CCN4: variants seen among roughly 807,000 people sequenced by gnomAD.
The protein encoded by CCN4 is cellular communication network factor 4, also known as CCN family member 4.
In CCN4, 30 loss-of-function variants were observed where a neutral mutation model predicts 36.7. That is an observed-to-expected ratio of 0.82 (90% CI 0.61 to 1.11). The LOEUF (loss-of-function observed/expected upper bound fraction) is 1.11, where lower values mean the gene tolerates loss of function less well. Among genes scored for constraint, CCN4 ranks in the 50% least tolerant of loss-of-function variants. CCN4 has a pLI of 0.00. For synonymous variants in CCN4, 191 were observed against 195.4 expected, an observed-to-expected ratio of 0.98 and a Z score of 0.19; for missense variants, 505 against 504.9, an observed-to-expected ratio of 1.00 and a Z score of 0.00.
At chr8:133,219,004 G>C (rs1233458591) in intron 2 of CCN4, among the ~76,000 whole-genome samples, 1 of 152,008 alleles carries the variant, frequency 6.6e-6, no homozygotes, top group African/African-American at 2.4e-5. Context: ...AATCTGTCTG[G>C]AAGCCGAGCT....
intron 1 of CCN4, among the ~76,000 whole-genome samples, chr8:133,200,730 T>C (rs1853559223): frequency 6.6e-6 from 1 of 152,198 alleles, no homozygotes; most frequent in African/African-American, 2.4e-5. Context: ...TGGGATTGTT[T>C]TGATGATCAG....
intron 1 of CCN4, among the ~76,000 whole-genome samples, chr8:133,210,510 G>C (rs1306983873): frequency 6.6e-6 from 1 of 151,830 alleles, no homozygotes; most frequent in South Asian, 2.1e-4. Context: ...GTGCCTCCTC[G>C]GTGAACCACC....
rs188586451 is a variant in CCN4, at chr8:133,200,896, G to A, written c.69+9683G>A. On this transcript the variant is annotated intron_variant, in intron 1 of 4. Coordinates refer to ENST00000250160, the MANE Select transcript of CCN4 (RefSeq NM_003882.4). ...GTGTCATGCCACGTTGCTTCTGCCTGCACACCCCTGCTCATGTCATCCCCA... is the reference window on the plus strand; with the variant it reads ...GTGTCATGCCACGTTGCTTCTGCCTACACACCCCTGCTCATGTCATCCCCA... 1.4e-4 allele frequency among the ~76,000 whole-genome samples: 22 copies of A among 152,262 alleles called. No homozygotes were observed. In the East Asian group the frequency reaches 3.5e-3, roughly 24 times the overall value.
In CCN4 at chr8:133,197,091, A is replaced by G. The variant is rs1021635540; in HGVS notation, c.69+5878A>G. 3.6e-4 allele frequency among the ~76,000 whole-genome samples: 54 copies of G among 151,458 alleles called. 1 individual carries two copies. Among genetic ancestry groups the G allele is most frequent in the African/African-American group, 3.9e-4 (16 of 41,250 alleles). ...GAAAGAAATGATGATGATGATGATGATGGTGGTGGTGGTGGTGGTGGTGGT... is the reference window on the plus strand; with the variant it reads ...GAAAGAAATGATGATGATGATGATGGTGGTGGTGGTGGTGGTGGTGGTGGT... On this transcript the variant is annotated intron_variant, in intron 1 of 4. Transcript: ENST00000250160.
Position 133,191,068 on chromosome 8 carries a change from T to G in CCN4, c.-77T>G. The G allele has an allele frequency of 6.5e-7, 1 of 1,540,404 alleles. No homozygotes were observed. Among genetic ancestry groups the G allele is most frequent in the Non-Finnish European group, 8.8e-7 (1 of 1,130,288 alleles). On this transcript the variant is annotated 5_prime_UTR_variant, in exon 1 of 5. Coordinates refer to ENST00000250160, the MANE Select transcript of CCN4 (RefSeq NM_003882.4). ...CTGGTGCTCCTGATGGGCCGGCCAG[T>G]CTGGGCCCAGCTCCCCCGAGAGGTG...
chr8:133,211,230 C>A (rs1028404163), intron 1 of CCN4, among the ~76,000 whole-genome samples: 2 of 152,154 alleles, frequency 1.3e-5, no homozygotes, highest in Middle Eastern at 3.2e-3. Context: ...CAGCACTTTG[C>A]GTAGTAAATC....
rs1321942290 is a variant in CCN4 at position 133,198,204 on chromosome 8, T to C, written c.69+6991T>C. ...TAACAAGCAGCAGGGGAGCTCACGC[T>C]GCTGCTTCTCTAGAAAGGGGTTGTC... On this transcript the variant is annotated intron_variant, in intron 1 of 4. Coordinates refer to ENST00000250160, the MANE Select transcript of CCN4 (RefSeq NM_003882.4). 4.6e-5 allele frequency among the ~76,000 whole-genome samples: 7 copies of C among 152,222 alleles called. 1 individual carries two copies. Among genetic ancestry groups the C allele is most frequent in the Non-Finnish European group, 7.3e-5 (5 of 68,030 alleles).
At chr8:133,198,537 C>T (rs1853470083) in intron 1 of CCN4, among the ~76,000 whole-genome samples, 1 of 152,160 alleles carries the variant, frequency 6.6e-6, no homozygotes, top group South Asian at 2.1e-4. Flanking sequence ...CTTCATGAGC[C>T]TTGCTGTCAA....
chr8:133,213,091 C>T lies in CCN4; in HGVS notation c.297C>T (p.Leu99=), dbSNP rs114585111. 6.2e-4 allele frequency: 997 copies of T among 1,614,040 alleles called. 5 individuals are homozygous for T. The African/African-American group carries it at 0.011, about 18-fold the overall frequency. ...CCATCTGTGACCCCCACCGGGGCCT[C>T]TACTGTGACTACAGCGGGGACCGCC... ...EAAICDPHRG[L]YCDYSGDRPR... is the part of the protein sequence containing the mutation. The change falls in exon 2 of 5, where the codon CTC becomes CTT. Residue 99 remains leucine, a synonymous_variant. Coordinates refer to ENST00000250160, the MANE Select transcript of CCN4 (RefSeq NM_003882.4).
chr8:133,215,984 TACACACACAC>T (rs35957025), intron 2 of CCN4, among the ~76,000 whole-genome samples: 1 of 149,360 alleles, frequency 6.7e-6, no homozygotes, highest in Non-Finnish European at 1.5e-5. Flanking sequence ...CCCATTACAC[TACACACACAC>T]ACACACACAC....
At chr8:133,227,137 G>A (rs1332534473) in intron 4 of CCN4, among the ~76,000 whole-genome samples, 1 of 152,100 alleles carries the variant, frequency 6.6e-6, no homozygotes, top group African/African-American at 2.4e-5. Context: ...CTGGCCATAG[G>A]CAAGACAAAA....
Position 133,224,935 on chromosome 8 carries a change from C to CA in CCN4, c.611-439dup, listed in dbSNP as rs55861580. Among the ~76,000 whole-genome samples, 506 of 130,144 alleles carry CA rather than the reference C, an allele frequency of 3.9e-3. 1 individual carries two copies. The highest frequency in any genetic ancestry group is 0.011 in the African/African-American group (373 of 35,254). The allele number at this position is 130,144 out of a possible 152,430, so 85.4% of individuals were successfully genotyped here. On this transcript the variant is annotated intron_variant, in intron 3 of 4. Transcript: ENST00000250160. Reference sequence around the variant, plus strand: ...AGGCAACAAGAGTGAAACTCTGTCTCAAAAAAAAAAAAAAAAGTCCCATTC... The same window carrying CA: ...AGGCAACAAGAGTGAAACTCTGTCTCAAAAAAAAAAAAAAAAAGTCCCATTC...
chr8:133,194,403 T>G (rs2130516276), intron 1 of CCN4, among the ~76,000 whole-genome samples: 1 of 81,472 alleles, frequency 1.2e-5, no homozygotes, highest in Admixed American at 1.6e-4. Context: ...TGTGGGGGTG[T>G]GTGTGGATTT....
chr8:133,204,956 G>A (rs1311725885), intron 1 of CCN4, among the ~76,000 whole-genome samples: 7 of 152,332 alleles, frequency 4.6e-5, no homozygotes, highest in Non-Finnish European at 8.8e-5. Context: ...CTCCTCCCAG[G>A]CCCCTTAGGT....
In CCN4 at chr8:133,213,121, G is replaced by A. The variant is rs969342915; in HGVS notation, c.327G>A (p.Arg109=). The change falls in exon 2 of 5, where the codon AGG becomes AGA. Residue 109 remains arginine, a synonymous_variant. Transcript: ENST00000250160. The stretch of plus-strand genomic sequence containing the variant: ...GTGACTACAGCGGGGACCGCCCGAG[G>A]TACGCAATAGGAGTGTGTGCACGTA... ...LYCDYSGDRP[R]YAIGVCAQVV... 4.3e-6 allele frequency: 7 copies of A among 1,610,120 alleles called. No homozygotes were observed. The highest frequency in any genetic ancestry group is 5.9e-6 in the Non-Finnish European group (7 of 1,178,484).
chr8:133,208,992 C>T (rs1016048304), intron 1 of CCN4, among the ~76,000 whole-genome samples: 12 of 152,336 alleles, frequency 7.9e-5, no homozygotes, highest in African/African-American at 2.9e-4. Flanking sequence ...CTGTTGGCCT[C>T]ACTAGGTGGG....
Position 133,227,587 on chromosome 8 carries a change from G to T in CCN4, c.981G>T (p.Gly327=). 1 of 1,614,194 alleles carries T rather than the reference G, an allele frequency of 6.2e-7. No individual in the cohort carries two copies. The highest frequency in any genetic ancestry group is 8.5e-7 in the Non-Finnish European group (1 of 1,180,046). ...TIDVSFQCPD[G]LGFSRQVLWI... Reference sequence around the variant, plus strand: ...ACGTGTCCTTCCAGTGTCCTGATGGGCTTGGCTTCTCCCGCCAGGTCCTAT... The same window carrying T: ...ACGTGTCCTTCCAGTGTCCTGATGGTCTTGGCTTCTCCCGCCAGGTCCTAT... The change falls in exon 5 of 5, where the codon GGG becomes GGT. Residue 327 remains glycine, a synonymous_variant. Transcript: ENST00000250160.
At chr8:133,226,998 C>A (rs115819465) in intron 4 of CCN4, among the ~76,000 whole-genome samples, 2 of 152,280 alleles carry the variant, frequency 1.3e-5, no homozygotes, top group African/African-American at 4.8e-5. Flanking sequence ...GCAGGAGGGG[C>A]GGTTAGGGCA....
At position 133,227,465 on chromosome 8, in the gene CCN4, C is replaced by A. The variant is rs760527768; in HGVS notation, c.859C>A (p.Leu287Ile). Reference protein sequence around the residue: ...YQPEASMNFTLAGCISTRSYQ... With the variant: ...YQPEASMNFTIAGCISTRSYQ... ...GCCAGAGGCATCCATGAACTTCACA[C>A]TTGCGGGCTGCATCAGCACACGCTC... The change falls in exon 5 of 5, where the codon CTT becomes ATT. Residue 287 changes from leucine to isoleucine, a missense_variant. Coordinates refer to ENST00000250160, the MANE Select transcript of CCN4 (RefSeq NM_003882.4). 3.1e-6 allele frequency: 5 copies of A among 1,614,080 alleles called. No individual in the cohort carries two copies. The highest frequency in any genetic ancestry group is 2.7e-5 in the African/African-American group (2 of 74,936).
Sources: gnomAD v4.1 joint callset for allele counts (sites outside exome capture counted in the v4.1 genomes callset) on GRCh38, gnomAD v4.1.1 for gene constraint, MANE v1.5 for transcripts, NCBI Gene and HGNC (gene_info 2026-07-23, HGNC 2026-07-21) for gene names.